USP32: variants seen among roughly 807,000 people sequenced by gnomAD.
USP32 encodes ubiquitin carboxyl-terminal hydrolase 32.
A neutral mutation model predicts 204.8 loss-of-function variants in USP32; 59 were observed. The ratio of observed to expected loss-of-function variants is 0.29; its 90% CI spans 0.23 to 0.36. The LOEUF is 0.36. USP32 is among the 10% of genes least tolerant of loss of function. The pLI is 1.00. For missense variants in USP32, 1,160 were observed against 1,946.4 expected (o/e 0.60, Z 7.60); for synonymous variants, 517 against 678.4 (o/e 0.76, Z 3.70).
chr17:60,338,341 A>C (rs949767720), intron 2 of USP32, among the ~76,000 whole-genome samples: 4 of 151,516 alleles, frequency 2.6e-5, no homozygotes, highest in African/African-American at 7.3e-5. Context: ...AAAAAAAAAA[A>C]TACTACATAG....
At chr17:60,265,317 T>C in intron 9 of USP32, 95 bp downstream of exon 9, 1 of 804,556 alleles carries the variant, frequency 1.2e-6, no homozygotes, top group Non-Finnish European at 2.0e-6. Flanking sequence ...GTAGGGAGGA[T>C]GCCAAAGAGA....
chr17:60,180,505 T>C (rs369987526), intron 33 of USP32, 40 bp downstream of exon 33: 69 of 1,590,982 alleles, frequency 4.3e-5, no homozygotes, highest in Non-Finnish European at 5.7e-5. Context: ...TCTGTTGATA[T>C]TCTGTTTCTA....
chr17:60,220,089 C>T (rs1222679365), intron 15 of USP32, among the ~76,000 whole-genome samples: 1 of 151,536 alleles, frequency 6.6e-6, no homozygotes. Flanking sequence ...ATTCTACTAC[C>T]CTCACACCAT....
chr17:60,240,899 T>G (rs905461977), intron 11 of USP32, among the ~76,000 whole-genome samples: 1 of 152,222 alleles, frequency 6.6e-6, no homozygotes, highest in Non-Finnish European at 1.5e-5. Flanking sequence ...TAACCCTGCC[T>G]GCCTTTCCAT....
intron 2 of USP32, among the ~76,000 whole-genome samples, chr17:60,324,287 T>C (rs1196340709): frequency 2.0e-5 from 3 of 149,732 alleles, no homozygotes; most frequent in Non-Finnish European, 4.4e-5. Flanking sequence ...GTTTCAAATA[T>C]ATATATATAT....
At chr17:60,198,602 CAA>C (rs1323011317) in intron 26 of USP32, among the ~76,000 whole-genome samples, 158 bp from the exon 27 acceptor site, 1 of 152,184 alleles carries the variant, frequency 6.6e-6, no homozygotes, top group Non-Finnish European at 1.5e-5. Flanking sequence ...TTTATTGACA[CAA>C]AGAGAACGGT....
At chr17:60,377,135 C>A (rs2089560915) in intron 1 of USP32, among the ~76,000 whole-genome samples, 1 of 152,052 alleles carries the variant, frequency 6.6e-6, no homozygotes, top group Non-Finnish European at 1.5e-5. Context: ...GATAGGATAT[C>A]TTCTGAGAAC....
intron 1 of USP32, among the ~76,000 whole-genome samples, chr17:60,408,673 C>T (rs150381975): frequency 6.2e-4 from 95 of 152,060 alleles, no homozygotes; most frequent in African/African-American, 2.0e-3. Context: ...CCACCATGCC[C>T]GGCCAATCTG....
intron 1 of USP32, among the ~76,000 whole-genome samples, chr17:60,349,043 T>C (rs1449844886): frequency 6.6e-6 from 1 of 151,958 alleles, no homozygotes; most frequent in Admixed American, 6.6e-5. Flanking sequence ...ATGGCTTTAG[T>C]AACAAATTAG....
In USP32 at chr17:60,207,105, G is replaced by A. The variant is rs777749497; in HGVS notation, c.2953C>T (p.Arg985Ter). The part of the protein sequence containing the change: ...KNFPQDNQKV[R>*]LSVSGFLCAF... Reference sequence around the variant, plus strand: ...CACAAAAATCCACTCACTGAGAGTCGTACTTTTTGGTTGTCCTGAGGAAAG... The same window carrying A: ...CACAAAAATCCACTCACTGAGAGTCATACTTTTTGGTTGTCCTGAGGAAAG... The change falls in exon 25 of 34, where the codon CGA becomes TGA. Residue 985 changes from arginine (R) to a stop codon, truncating the protein, a stop_gained. Coordinates refer to ENST00000300896, the MANE Select transcript of USP32 (RefSeq NM_032582.4). LOFTEE classifies it high-confidence loss of function. 5 of 1,612,282 alleles carry A rather than the reference G, an allele frequency of 3.1e-6. No homozygotes were observed. The highest frequency in any genetic ancestry group is 3.4e-6 in the Non-Finnish European group (4 of 1,179,012).
chr17:60,412,768 C>T (rs760528671), intron 1 of USP32, among the ~76,000 whole-genome samples: 4 of 152,142 alleles, frequency 2.6e-5, no homozygotes, highest in Middle Eastern at 6.8e-3. Flanking sequence ...TTTTTTTCCT[C>T]TCCAAAATCA....
At chr17:60,203,418 AAAAG>A (rs1338248209) in intron 26 of USP32, among the ~76,000 whole-genome samples, 13 of 150,524 alleles carry the variant, frequency 8.6e-5, no homozygotes, top group Admixed American at 8.6e-4. Flanking sequence ...AAAAAAAAAA[AAAAG>A]AATATATTTC....
At chr17:60,406,867 T>C (rs2089980088) in intron 1 of USP32, among the ~76,000 whole-genome samples, 2 of 152,162 alleles carry the variant, frequency 1.3e-5, no homozygotes, top group South Asian at 4.1e-4. Flanking sequence ...GGTTGATCAG[T>C]TGCTCAAAGA....
intron 1 of USP32, among the ~76,000 whole-genome samples, chr17:60,372,845 TAA>T (rs746725190): frequency 2.6e-4 from 23 of 88,366 alleles, no homozygotes; most frequent in Middle Eastern, 7.1e-3. Flanking sequence ...AGACCCTGTC[TAA>T]AAAAAAAAAA....
intron 1 of USP32, among the ~76,000 whole-genome samples, chr17:60,367,207 G>A (rs887593887): frequency 6.6e-6 from 1 of 152,092 alleles, no homozygotes; most frequent in South Asian, 2.1e-4. Flanking sequence ...TCAACCAACC[G>A]AGGATACAAA....
At chr17:60,392,627 A>G (rs2146148607), upstream of USP32, 1 of 452,030 alleles carries the variant, frequency 2.2e-6, no homozygotes, top group Middle Eastern at 3.3e-4. Flanking sequence ...CATATGGCTC[A>G]GAAGAGAAAG....
In USP32 at chr17:60,219,791, T is replaced by G. The variant is rs762596832; in HGVS notation, c.1750-4A>C. 6.2e-7 allele frequency: 1 copy of G among 1,608,996 alleles called. No individual in the cohort carries two copies. The highest frequency in any genetic ancestry group is 1.3e-5 in the African/African-American group (1 of 74,482). ...CTGTCTTGCTGTTCTTGATAACCTATTGTTTTAAAAGATAAAAAGAGATCA... is the reference window on the plus strand; with the variant it reads ...CTGTCTTGCTGTTCTTGATAACCTAGTGTTTTAAAAGATAAAAAGAGATCA... On this transcript the variant is annotated splice_polypyrimidine_tract_variant and splice_region_variant and intron_variant, in intron 15 of 33. Transcript: ENST00000300896.
chr17:60,227,315 G>A (rs1463143125), intron 12 of USP32, among the ~76,000 whole-genome samples: 4 of 148,644 alleles, frequency 2.7e-5, no homozygotes, highest in African/African-American at 9.9e-5. Context: ...TGTCACCCAG[G>A]CTAGAGTGCA....
rs1390722518 is a variant in USP32, at chr17:60,210,379, T to G, written c.2424+634A>C. ...CAGGCTGGAGTACAGTGGTGCGATCTTGGCTCATTGCAAACACCACCTCCC... is the reference window on the plus strand; with the variant it reads ...CAGGCTGGAGTACAGTGGTGCGATCGTGGCTCATTGCAAACACCACCTCCC... On this transcript the variant is annotated intron_variant, in intron 21 of 33. Transcript: ENST00000300896. Among the ~76,000 whole-genome samples, 4 of 152,230 alleles carry G rather than the reference T, an allele frequency of 2.6e-5. No individual in the cohort carries two copies. In the South Asian group the frequency reaches 8.3e-4, roughly 32 times the overall value.
Sources: gnomAD v4.1 joint callset for allele counts (sites outside exome capture counted in the v4.1 genomes callset) on GRCh38, gnomAD v4.1.1 for gene constraint, MANE v1.5 for transcripts, NCBI Gene and HGNC (gene_info 2026-07-23, HGNC 2026-07-21) for gene names.